Variants in SGCZ observed in about 807,000 individuals in gnomAD.
SGCZ encodes zeta-sarcoglycan.
A neutral mutation model predicts 41.3 loss-of-function variants in SGCZ; 40 were observed. The observed-to-expected ratio is 0.97, with a 90% CI of 0.75 to 1.26. The LOEUF is 1.26. Ranked by LOEUF, SGCZ falls within the 50% of genes most tolerant of loss-of-function variation. The pLI, the probability that SGCZ is intolerant of heterozygous loss-of-function variation, is 0.00. For synonymous variants in SGCZ, 206 were observed against 137.5 expected (o/e 1.50, Z -3.49); for missense variants, 552 against 369.8 (o/e 1.49, Z -4.04).
At chr8:14,746,570 G>A (rs1443645372) in intron 1 of SGCZ, among the ~76,000 whole-genome samples, 1 of 151,912 alleles carries the variant, frequency 6.6e-6, no homozygotes, top group African/African-American at 2.4e-5. Context: ...AATAAACCTG[G>A]CATAAGAATG....
chr8:14,822,637 A>T (rs79447780), intron 1 of SGCZ, among the ~76,000 whole-genome samples: 4,242 of 152,230 alleles, frequency 0.028, 168 homozygotes, highest in African/African-American at 0.088. Context: ...AGATATGTAA[A>T]CCAACAGAAC....
chr8:14,901,054 A>C lies in SGCZ; in HGVS notation c.39+336531T>G, dbSNP rs529208724. Among the ~76,000 whole-genome samples, 50 of 152,284 alleles carry C rather than the reference A, an allele frequency of 3.3e-4. 1 individual carries two copies. Among genetic ancestry groups the C allele is most frequent in the African/African-American group, 1.2e-3 (48 of 41,560 alleles). On this transcript the variant is annotated intron_variant, in intron 1 of 7. Coordinates refer to ENST00000382080, the MANE Select transcript of SGCZ (RefSeq NM_139167.4). ...CTAATAACATATCATTTCTGTTTGG[A>C]AAGAATGCTTACTCAAAGGAAGAGA... is the stretch of plus-strand genomic sequence containing the variant.
At chr8:14,575,591 G>C (rs1018284710) in intron 1 of SGCZ, among the ~76,000 whole-genome samples, 1 of 152,160 alleles carries the variant, frequency 6.6e-6, no homozygotes, top group Non-Finnish European at 1.5e-5. Context: ...TATTTAAAGA[G>C]TGGAACAACA....
intron 1 of SGCZ, among the ~76,000 whole-genome samples, chr8:15,185,599 A>G (rs1800308654): frequency 6.6e-6 from 1 of 152,208 alleles, no homozygotes; most frequent in Non-Finnish European, 1.5e-5. Flanking sequence ...AATGAGAAGA[A>G]AACAGAAGAG....
At chr8:15,232,215 C>G (rs1801965745) in intron 1 of SGCZ, among the ~76,000 whole-genome samples, 1 of 152,172 alleles carries the variant, frequency 6.6e-6, no homozygotes, top group South Asian at 2.1e-4. Flanking sequence ...AAACAGCGCA[C>G]TAAATATTAC....
chr8:14,315,007 A>T (rs1020110995), intron 3 of SGCZ, among the ~76,000 whole-genome samples: 1 of 152,254 alleles, frequency 6.6e-6, no homozygotes, highest in South Asian at 2.1e-4. Context: ...GCTGTCAGAA[A>T]TAGTGTAAAT....
At chr8:14,704,298 T>C (rs1328134604) in intron 1 of SGCZ, among the ~76,000 whole-genome samples, 1 of 152,018 alleles carries the variant, frequency 6.6e-6, no homozygotes, top group Non-Finnish European at 1.5e-5. Context: ...TTAACATAGC[T>C]ATTTTTTATC....
intron 2 of SGCZ, among the ~76,000 whole-genome samples, chr8:14,445,951 A>C (rs960464680): frequency 6.6e-6 from 1 of 152,132 alleles, no homozygotes; most frequent in Non-Finnish European, 1.5e-5. Flanking sequence ...TGGATCCTGG[A>C]GTGGCTGGCC....
intron 5 of SGCZ, among the ~76,000 whole-genome samples, chr8:14,110,229 C>A (rs1802331495): frequency 6.6e-6 from 1 of 151,960 alleles, no homozygotes; most frequent in Admixed American, 6.6e-5. Context: ...GAGACTCTGG[C>A]ATTTTGTAAT....
intron 2 of SGCZ, among the ~76,000 whole-genome samples, chr8:14,444,000 A>G (rs1307206487): frequency 1.3e-5 from 2 of 152,206 alleles, no homozygotes; most frequent in Admixed American, 6.5e-5. Flanking sequence ...AAGTGGGTGA[A>G]GGATATGAAC....
At chr8:15,192,727 T>G (rs1800581931) in intron 1 of SGCZ, among the ~76,000 whole-genome samples, 1 of 152,064 alleles carries the variant, frequency 6.6e-6, no homozygotes, top group South Asian at 2.1e-4. Context: ...AAAATTACCA[T>G]TTCCACTGAA....
intron 1 of SGCZ, among the ~76,000 whole-genome samples, chr8:14,649,435 G>A (rs1026467703): frequency 1.3e-5 from 2 of 152,020 alleles, no homozygotes; most frequent in African/African-American, 4.8e-5. Flanking sequence ...TTGAAATACA[G>A]ACTTAATGCG....
At chr8:14,277,716 G>A (rs1326384820) in intron 3 of SGCZ, among the ~76,000 whole-genome samples, 1 of 152,112 alleles carries the variant, frequency 6.6e-6, no homozygotes, top group Non-Finnish European at 1.5e-5. Context: ...CATAGAAGCT[G>A]CCTAACTTCC....
At chr8:14,091,055 C>A (rs1407084716) in intron 7 of SGCZ, among the ~76,000 whole-genome samples, 2 of 151,940 alleles carry the variant, frequency 1.3e-5, no homozygotes, top group African/African-American at 2.4e-5. Flanking sequence ...TCTCATTGTT[C>A]CCCTCCCACT....
intron 1 of SGCZ, among the ~76,000 whole-genome samples, chr8:14,630,302 G>C (rs566912880): frequency 1.3e-5 from 2 of 151,654 alleles, no homozygotes; most frequent in African/African-American, 4.9e-5. Context: ...AAAAATGCTT[G>C]CCTCTAGTGG....
At chr8:14,707,135 T>C (rs563445617) in intron 1 of SGCZ, among the ~76,000 whole-genome samples, 38 of 151,966 alleles carry the variant, frequency 2.5e-4, no homozygotes, top group Admixed American at 5.2e-4. Context: ...GCTGCACTCA[T>C]TAACTCGTTA....
At chr8:14,351,203 T>C (rs1203014758) in intron 2 of SGCZ, among the ~76,000 whole-genome samples, 2 of 152,192 alleles carry the variant, frequency 1.3e-5, no homozygotes, top group Non-Finnish European at 2.9e-5. Context: ...TTACTGGTAT[T>C]ACCGGTATTG....
At chr8:14,864,941 C>A (rs1803875431) in intron 1 of SGCZ, among the ~76,000 whole-genome samples, 1 of 151,786 alleles carries the variant, frequency 6.6e-6, no homozygotes, top group African/African-American at 2.4e-5. Context: ...AGCATTTTTT[C>A]TATGTCTTTT....
rs142347569 is a variant in SGCZ at position 14,594,249 on chromosome 8, C to T, written c.40-39323G>A. Among the ~76,000 whole-genome samples, 806 of 151,204 alleles carry T rather than the reference C, an allele frequency of 5.3e-3. 3 individuals carry two copies. The highest frequency in any genetic ancestry group is 0.01 in the Middle Eastern group (3 of 292). ...ATAAAATAAAACAAAATACAAATGG[C>T]TGAACCCCGCCTCCCAAGTTTGACT... On this transcript the variant is annotated intron_variant, in intron 1 of 7. Transcript: ENST00000382080.
Sources: gnomAD v4.1 joint callset for allele counts (sites outside exome capture counted in the v4.1 genomes callset) on GRCh38, gnomAD v4.1.1 for gene constraint, MANE v1.5 for transcripts, NCBI Gene and HGNC (gene_info 2026-07-23, HGNC 2026-07-21) for gene names.